Variants in OR1J2 observed in about 807,000 individuals in gnomAD.
OR1J2 encodes olfactory receptor family 1 subfamily J member 2.
For synonymous variants in OR1J2, 142 were observed against 99.7 expected (o/e 1.42, Z -2.52); for missense variants, 304 against 246.1 (o/e 1.24, Z -1.57).
the OR1J2 span, among the ~76,000 whole-genome samples, chr9:122,505,141 A>G: frequency 6.6e-6 from 1 of 152,178 alleles, no homozygotes; most frequent in Non-Finnish European, 1.5e-5. Flanking sequence ...CTGCCCGCAT[A>G]TAAGCTCTCT....
chr9:122,451,249 G>C, the OR1J2 span, among the ~76,000 whole-genome samples: 1 of 151,022 alleles, frequency 6.6e-6, no homozygotes, highest in South Asian at 2.1e-4. Context: ...GCAATGGCGC[G>C]ATCTCAGCTC....
the OR1J2 span, among the ~76,000 whole-genome samples, chr9:122,464,317 C>T: frequency 1.3e-4 from 20 of 152,212 alleles, no homozygotes; most frequent in Middle Eastern, 3.2e-3. Flanking sequence ...CCCCACCGCC[C>T]GCCAGCAGCA....
At chr9:122,514,963 G>A (rs558376531), downstream of OR1J2, among the ~76,000 whole-genome samples, 1 of 152,294 alleles carries the variant, frequency 6.6e-6, no homozygotes, top group South Asian at 2.1e-4. Flanking sequence ...AAGCTCCCCA[G>A]GTGATTTTGA....
the OR1J2 span, chr9:122,475,694 C>T: frequency 6.6e-6 from 1 of 152,184 alleles, no homozygotes; most frequent in Non-Finnish European, 1.5e-5. Context: ...TCTCCCAGGT[C>T]TTGGTGCCTC....
At chr9:122,526,561 C>G in the OR1J2 span, 1 of 1,613,082 alleles carries the variant, frequency 6.2e-7, no homozygotes, top group Non-Finnish European at 8.5e-7. Flanking sequence ...ACACAAACAA[C>G]GCAGAGGTGG....
At chr9:122,568,366 C>G in the OR1J2 span, 1 of 1,613,782 alleles carries the variant, frequency 6.2e-7, no homozygotes, top group Non-Finnish European at 8.5e-7. Flanking sequence ...GTTATGGTGA[C>G]CAGGTACACG....
the OR1J2 span, among the ~76,000 whole-genome samples, chr9:122,540,247 A>C: frequency 6.6e-6 from 1 of 152,038 alleles, no homozygotes; most frequent in African/African-American, 2.4e-5. Flanking sequence ...TTATGGTTTT[A>C]GGTCTAACAT....
the OR1J2 span, among the ~76,000 whole-genome samples, chr9:122,531,327 C>T: frequency 6.6e-6 from 1 of 152,124 alleles, no homozygotes; most frequent in Non-Finnish European, 1.5e-5. Flanking sequence ...GGGGATAGCA[C>T]CAGGAGATAT....
downstream of OR1J2, among the ~76,000 whole-genome samples, chr9:122,516,571 G>A (rs530626157): frequency 2.8e-3 from 433 of 152,252 alleles, no homozygotes; most frequent in Middle Eastern, 6.8e-3. Flanking sequence ...CCAAAGTGCT[G>A]GGATTACAGG....
chr9:122,492,571 A>G, the OR1J2 span, among the ~76,000 whole-genome samples: 3 of 152,204 alleles, frequency 2.0e-5, no homozygotes, highest in Non-Finnish European at 4.4e-5. Flanking sequence ...TGAGAAATCT[A>G]CAAAGTGCTT....
the OR1J2 span, among the ~76,000 whole-genome samples, chr9:122,548,193 C>T: frequency 6.6e-5 from 10 of 152,282 alleles, no homozygotes; most frequent in South Asian, 1.9e-3. Context: ...AGTTTGAACA[C>T]TTACATACTG....
chr9:122,517,133 G>A, the OR1J2 span, among the ~76,000 whole-genome samples: 1 of 152,170 alleles, frequency 6.6e-6, no homozygotes, highest in South Asian at 2.1e-4. Context: ...GAAAACTGAA[G>A]CTCAGGCCAA....
the OR1J2 span, among the ~76,000 whole-genome samples, chr9:122,544,003 C>T: frequency 6.6e-6 from 1 of 152,050 alleles, no homozygotes; most frequent in African/African-American, 2.4e-5. Context: ...CTTTTGTTAG[C>T]CTCATAAAAT....
At chr9:122,519,471 G>C in the OR1J2 span, 2 of 1,614,072 alleles carry the variant, frequency 1.2e-6, no homozygotes, top group Non-Finnish European at 1.7e-6. Flanking sequence ...CACTGATCTA[G>C]ACAATTTCCT....
chr9:122,464,897 A>G, the OR1J2 span, among the ~76,000 whole-genome samples: 2 of 152,194 alleles, frequency 1.3e-5, no homozygotes, highest in Admixed American at 1.3e-4. Context: ...TCTTTTAGAA[A>G]GACAGTTTGT....
At chr9:122,450,624 C>T in the OR1J2 span, among the ~76,000 whole-genome samples, 1 of 152,138 alleles carries the variant, frequency 6.6e-6, no homozygotes, top group Non-Finnish European at 1.5e-5. Context: ...ACTCTTTCAG[C>T]CATTTTGAAA....
the OR1J2 span, chr9:122,477,449 T>C: frequency 4.5e-5 from 73 of 1,613,174 alleles, no homozygotes; most frequent in Non-Finnish European, 6.1e-5. Flanking sequence ...AGGAGGAGGG[T>C]ATGCAAAAGA....
the OR1J2 span, among the ~76,000 whole-genome samples, chr9:122,471,950 T>G: frequency 2.6e-5 from 4 of 152,196 alleles, no homozygotes; most frequent in Non-Finnish European, 5.9e-5. Context: ...GTACATAACT[T>G]AAGCCACTGG....
At chr9:122,549,584 A>G in the OR1J2 span, among the ~76,000 whole-genome samples, 1 of 152,148 alleles carries the variant, frequency 6.6e-6, no homozygotes, top group Non-Finnish European at 1.5e-5. Context: ...GCATATAGCA[A>G]TCCAATTTTC....
Sources: allele counts gnomAD v4.1 joint callset (sites outside exome capture counted in the v4.1 genomes callset), GRCh38; gene constraint gnomAD v4.1.1; transcripts MANE v1.5; gene names NCBI Gene and HGNC (gene_info 2026-07-23, HGNC 2026-07-21).